PREX1: variants seen among roughly 807,000 people sequenced by gnomAD.
PREX1 encodes the protein phosphatidylinositol-3,4,5-trisphosphate dependent Rac exchange factor 1.
PREX1 carries 41 observed loss-of-function variants against 198.3 expected under a neutral mutation model. That is an observed-to-expected ratio of 0.21 (90% confidence interval 0.16 to 0.27). The LOEUF is 0.27. Among genes scored for constraint, PREX1 ranks in the 10% least tolerant of loss-of-function variants. The pLI, the probability that PREX1 is intolerant of heterozygous loss-of-function variation, is 1.00. For missense variants in PREX1, 1,620 were observed against 2,200.7 expected (o/e 0.74, Z 5.28); for synonymous variants, 843 against 887.2 (o/e 0.95, Z 0.89).
chr20:48,798,280 T>C (rs1331893767), intron 1 of PREX1, among the ~76,000 whole-genome samples: 1 of 152,076 alleles, frequency 6.6e-6, no homozygotes, highest in Admixed American at 6.6e-5. Flanking sequence ...TCTATCTCCA[T>C]CCACCTCCTG....
intron 1 of PREX1, among the ~76,000 whole-genome samples, chr20:48,804,805 G>T (rs574317909): frequency 6.6e-6 from 1 of 152,298 alleles, no homozygotes; most frequent in Non-Finnish European, 1.5e-5. Flanking sequence ...TTTCCTGATG[G>T]GTTGGATGTG....
At chr20:48,870,565 AG>A in the PREX1 span, among the ~76,000 whole-genome samples, 1 of 152,202 alleles carries the variant, frequency 6.6e-6, no homozygotes, top group South Asian at 2.1e-4. Context: ...ATCTTACTTG[AG>A]GGTGGTGACT....
intron 1 of PREX1, among the ~76,000 whole-genome samples, chr20:48,767,783 G>A (rs1182744295): frequency 1.3e-5 from 2 of 152,012 alleles, no homozygotes; most frequent in African/African-American, 4.8e-5. Context: ...TGCACGTGCT[G>A]TTCCCCGCCC....
At position 48,747,879 on chromosome 20, in the gene PREX1, G is replaced by T; in HGVS notation, c.221C>A (p.Ala74Glu). Reference protein sequence around the residue: ...YVGTLRFLQSAFLHRIRQNVA... With the variant: ...YVGTLRFLQSEFLHRIRQNVA... ...GTTCTGCCGGATGCGATGCAGGAAT[G>T]CCTGGAGGAGAGAAGCAGAGAGAGG... The change falls in exon 2 of 40, where the codon GCA (alanine) becomes GAA (glutamate). Residue 74 changes from alanine to glutamate, a missense_variant and splice_region_variant. Coordinates refer to ENST00000371941, the MANE Select transcript of PREX1 (RefSeq NM_020820.4). 6.2e-7 allele frequency: 1 copy of T among 1,612,316 alleles called. No homozygotes were observed.
intron 14 of PREX1, among the ~76,000 whole-genome samples, chr20:48,669,270 C>T (rs766490772): frequency 1.3e-5 from 2 of 152,172 alleles, no homozygotes; most frequent in Non-Finnish European, 2.9e-5. Context: ...GTACCACCTC[C>T]TCAGAGAGTC....
chr20:48,833,668 C>G, the PREX1 span, among the ~76,000 whole-genome samples: 1 of 152,128 alleles, frequency 6.6e-6, no homozygotes, highest in African/African-American at 2.4e-5. Flanking sequence ...TCTCAAACTC[C>G]TGATCTCAGG....
intron 7 of PREX1, among the ~76,000 whole-genome samples, chr20:48,694,951 G>A (rs1398419338): frequency 2.0e-5 from 3 of 152,130 alleles, no homozygotes; most frequent in African/African-American, 7.2e-5. Flanking sequence ...GTGTGTATGT[G>A]TGTGTTTGTG....
At chr20:48,721,894 C>G (rs1463228903) in intron 5 of PREX1, among the ~76,000 whole-genome samples, 5 of 151,900 alleles carry the variant, frequency 3.3e-5, no homozygotes, top group Admixed American at 3.3e-4. Context: ...AAGAGGGACA[C>G]CAAATGTAAT....
At chr20:48,627,171 G>A (rs1445013285) in intron 39 of PREX1, among the ~76,000 whole-genome samples, 2 of 151,632 alleles carry the variant, frequency 1.3e-5, no homozygotes, top group African/African-American at 4.8e-5. Context: ...AGGTTAAAGC[G>A]AGCCGCTCAG....
chr20:48,682,702 G>A (rs1413415575), intron 10 of PREX1, among the ~76,000 whole-genome samples: 1 of 152,132 alleles, frequency 6.6e-6, no homozygotes, highest in African/African-American at 2.4e-5. Context: ...GCTCAGCCGG[G>A]GCCCCAGGTC....
intron 3 of PREX1, among the ~76,000 whole-genome samples, chr20:48,735,091 T>C (rs556219722): frequency 6.6e-6 from 1 of 152,152 alleles, no homozygotes; most frequent in African/African-American, 2.4e-5. Flanking sequence ...AGCCCAAAGA[T>C]GTACTCCTTC....
chr20:48,772,755 A>G (rs1213222593), intron 1 of PREX1, among the ~76,000 whole-genome samples: 2 of 152,230 alleles, frequency 1.3e-5, no homozygotes, highest in Non-Finnish European at 2.9e-5. Context: ...GGATGGCCGC[A>G]TGGCTGAGTG....
chr20:48,746,749 T>C (rs1248021174), intron 2 of PREX1, among the ~76,000 whole-genome samples: 3 of 143,736 alleles, frequency 2.1e-5, no homozygotes, highest in African/African-American at 7.3e-5. Flanking sequence ...ATGAGACTTC[T>C]ACCTCATTAA....
chr20:48,788,646 G>C (rs1314656161), intron 1 of PREX1, among the ~76,000 whole-genome samples: 1 of 152,174 alleles, frequency 6.6e-6, no homozygotes, highest in Non-Finnish European at 1.5e-5. Flanking sequence ...ACTGGTTTGG[G>C]TTTTCAGTCA....
At chr20:48,773,657 G>A (rs905481142) in intron 1 of PREX1, among the ~76,000 whole-genome samples, 3 of 152,212 alleles carry the variant, frequency 2.0e-5, no homozygotes, top group Non-Finnish European at 1.5e-5. Context: ...TCAAAGAACA[G>A]CAAGGAAAGC....
intron 14 of PREX1, among the ~76,000 whole-genome samples, chr20:48,670,840 C>T (rs1358212443): frequency 6.6e-6 from 1 of 152,228 alleles, no homozygotes; most frequent in African/African-American, 2.4e-5. Context: ...CACAAACACA[C>T]AGAGGATCCT....
In PREX1 at chr20:48,670,972, C is replaced by T. The variant is rs557478687; in HGVS notation, c.1666-4617G>A. 5.4e-4 allele frequency among the ~76,000 whole-genome samples: 82 copies of T among 152,330 alleles called. 1 individual carries two copies. Among genetic ancestry groups the T allele is most frequent in the African/African-American group, 1.9e-3 (79 of 41,566 alleles). ...GATTAAATAAGATAATGCACCAAGC[C>T]GTTCCGGAGCTGACAGAGAGTGCAA... On this transcript the variant is annotated intron_variant, in intron 14 of 39. Coordinates refer to ENST00000371941, the MANE Select transcript of PREX1 (RefSeq NM_020820.4).
At chr20:48,880,510 C>T in the PREX1 span, among the ~76,000 whole-genome samples, 16 of 152,174 alleles carry the variant, frequency 1.1e-4, no homozygotes, top group East Asian at 3.8e-4. Context: ...AAGTCCACCT[C>T]GTGCTGCAGG....
the PREX1 span, among the ~76,000 whole-genome samples, chr20:48,870,825 C>T: frequency 7.8e-6 from 1 of 127,894 alleles, no homozygotes; most frequent in Non-Finnish European, 1.6e-5. Context: ...GTGGCAGGTG[C>T]CTGTAATCCC....
Sources: gnomAD v4.1 joint callset for allele counts (sites outside exome capture counted in the v4.1 genomes callset) on GRCh38, gnomAD v4.1.1 for gene constraint, MANE v1.5 for transcripts, NCBI Gene and HGNC (gene_info 2026-07-23, HGNC 2026-07-21) for gene names.